Variants in CNTNAP2 observed in about 807,000 individuals in gnomAD.
CNTNAP2 encodes the protein contactin associated protein 2, also known as contactin-associated protein-like 2.
In CNTNAP2, 98 loss-of-function variants were observed where a neutral mutation model predicts 155.2. That is an observed-to-expected ratio of 0.63 (90% CI 0.54 to 0.75). The LOEUF is 0.75. CNTNAP2 is among the 30% of genes least tolerant of loss of function. The pLI, the probability that CNTNAP2 is intolerant of heterozygous loss-of-function variation, is 0.00. For missense variants in CNTNAP2, 1,727 were observed against 1,688.1 expected (o/e 1.02, Z -0.40); for synonymous variants, 651 against 631.2 (o/e 1.03, Z -0.47).
intron 11 of CNTNAP2, among the ~76,000 whole-genome samples, chr7:147,504,699 AAAC>A (rs201139829): frequency 0.43 from 62,257 of 143,310 alleles, 14,577 homozygotes; most frequent in Non-Finnish European, 0.55. Flanking sequence ...AAAAAAAAAA[AAAC>A]AAAAAACCTC....
chr7:146,492,985 T>C (rs1009321615), intron 1 of CNTNAP2, among the ~76,000 whole-genome samples: 3 of 152,194 alleles, frequency 2.0e-5, no homozygotes, highest in Admixed American at 6.5e-5. Context: ...ATTTGTGATG[T>C]AATGAATACT....
At chr7:147,504,925 TATGCACACACAC>T (rs1300250100) in intron 11 of CNTNAP2, among the ~76,000 whole-genome samples, 1 of 151,906 alleles carries the variant, frequency 6.6e-6, no homozygotes, top group East Asian at 1.9e-4. Flanking sequence ...TGTGATTAAA[TATGCACACACAC>T]ATGCACACAC....
At chr7:148,256,710 G>A (rs1323700484) in intron 20 of CNTNAP2, among the ~76,000 whole-genome samples, 1 of 152,116 alleles carries the variant, frequency 6.6e-6, no homozygotes, top group African/African-American at 2.4e-5. Flanking sequence ...AAAGGCTTAG[G>A]CACAGTGGAT....
At chr7:147,658,802 A>C (rs1219880262) in intron 13 of CNTNAP2, among the ~76,000 whole-genome samples, 2 of 152,172 alleles carry the variant, frequency 1.3e-5, no homozygotes, top group Non-Finnish European at 2.9e-5. Flanking sequence ...CCAGCTTCCC[A>C]CTGACCCTTT....
At chr7:147,448,753 T>C (rs1367582001) in intron 10 of CNTNAP2, among the ~76,000 whole-genome samples, 1 of 152,058 alleles carries the variant, frequency 6.6e-6, no homozygotes, top group Non-Finnish European at 1.5e-5. Flanking sequence ...AATTTATACT[T>C]ATGAAAATTT....
chr7:147,737,594 C>T (rs7810907), intron 13 of CNTNAP2, among the ~76,000 whole-genome samples: 1,912 of 152,272 alleles, frequency 0.013, 50 homozygotes, highest in African/African-American at 0.043. Context: ...GCCTTTTGTT[C>T]GGCTATGCCC....
intron 13 of CNTNAP2, among the ~76,000 whole-genome samples, chr7:147,648,927 G>A (rs1235441744): frequency 6.6e-6 from 1 of 152,190 alleles, no homozygotes; most frequent in African/African-American, 2.4e-5. Flanking sequence ...GGCCACCAAA[G>A]TGAGTATAGA....
In CNTNAP2 at chr7:147,662,594, A is replaced by G. The variant is rs546320870; in HGVS notation, c.2098+23288A>G. 1.2e-3 allele frequency among the ~76,000 whole-genome samples: 188 copies of G among 152,342 alleles called. 1 individual carries two copies. Among genetic ancestry groups the G allele is most frequent in the African/African-American group, 4.5e-3 (186 of 41,588 alleles). On this transcript the variant is annotated intron_variant, in intron 13 of 23. Transcript: ENST00000361727. ...ATCAGGTAGCAGATGGTATTCTTGTATGGGTGCGAGTGAGTGATGAACACT... is the reference window on the plus strand; with the variant it reads ...ATCAGGTAGCAGATGGTATTCTTGTGTGGGTGCGAGTGAGTGATGAACACT...
intron 1 of CNTNAP2, among the ~76,000 whole-genome samples, chr7:146,441,390 G>A (rs767928091): frequency 5.3e-5 from 8 of 151,314 alleles, no homozygotes; most frequent in East Asian, 1.9e-4. Context: ...CTCTCTATGC[G>A]GTATCTCCTG....
chr7:147,603,015 A>T (rs541180712), intron 12 of CNTNAP2, among the ~76,000 whole-genome samples: 43 of 152,176 alleles, frequency 2.8e-4, no homozygotes, highest in African/African-American at 7.2e-4. Context: ...ATGGGATGGC[A>T]GGGTCAAATG....
At chr7:147,213,636 T>C (rs1803204245) in intron 8 of CNTNAP2, among the ~76,000 whole-genome samples, 1 of 152,056 alleles carries the variant, frequency 6.6e-6, no homozygotes, top group Non-Finnish European at 1.5e-5. Flanking sequence ...AAGATATATG[T>C]GAATACAGAT....
chr7:147,969,260 A>G (rs1013108921), intron 14 of CNTNAP2, among the ~76,000 whole-genome samples: 14 of 152,132 alleles, frequency 9.2e-5, no homozygotes, highest in African/African-American at 3.4e-4. Flanking sequence ...CATATTGCCC[A>G]GGCTGGTCTT....
chr7:146,564,534 A>G (rs1426138017), intron 1 of CNTNAP2, among the ~76,000 whole-genome samples: 3 of 148,810 alleles, frequency 2.0e-5, no homozygotes, highest in African/African-American at 7.3e-5. Flanking sequence ...AATATACATT[A>G]TATAATGTAG....
intron 20 of CNTNAP2, among the ~76,000 whole-genome samples, chr7:148,243,996 T>A (rs1796208232): frequency 6.6e-6 from 1 of 152,192 alleles, no homozygotes; most frequent in African/African-American, 2.4e-5. Flanking sequence ...TATATGAAAC[T>A]TGTTTAGACA....
At chr7:147,325,756 T>C (rs1157783992) in intron 9 of CNTNAP2, among the ~76,000 whole-genome samples, 1 of 152,222 alleles carries the variant, frequency 6.6e-6, no homozygotes, top group African/African-American at 2.4e-5. Flanking sequence ...ATTTTAACTA[T>C]ATTTAAGTGT....
At chr7:147,667,239 G>A (rs935602768) in intron 13 of CNTNAP2, among the ~76,000 whole-genome samples, 1 of 152,192 alleles carries the variant, frequency 6.6e-6, no homozygotes, top group Admixed American at 6.5e-5. Context: ...CAGTTGATTA[G>A]TGATAAGTTG....
intron 2 of CNTNAP2, among the ~76,000 whole-genome samples, chr7:146,833,743 C>T (rs974228624): frequency 3.9e-5 from 6 of 152,188 alleles, no homozygotes; most frequent in African/African-American, 1.4e-4. Context: ...AGGGAACTTA[C>T]ATTACCAATA....
chr7:146,213,695 G>A (rs1294589692), intron 1 of CNTNAP2, among the ~76,000 whole-genome samples: 1 of 152,124 alleles, frequency 6.6e-6, no homozygotes, highest in African/African-American at 2.4e-5. Context: ...CAGTTCCCAA[G>A]CCATGTTCTC....
At chr7:147,012,046 G>C (rs1445576090) in intron 3 of CNTNAP2, among the ~76,000 whole-genome samples, 2 of 152,120 alleles carry the variant, frequency 1.3e-5, no homozygotes. Context: ...TCTTCATCCT[G>C]AGGGCTCCCA....
Sources: allele counts gnomAD v4.1 joint callset (sites outside exome capture counted in the v4.1 genomes callset), GRCh38; gene constraint gnomAD v4.1.1; transcripts MANE v1.5; gene names NCBI Gene and HGNC (gene_info 2026-07-23, HGNC 2026-07-21).